The following DMXL1 variants were observed in gnomAD, a reference collection of about 807,000 sequenced individuals.
DMXL1 encodes dmX-like protein 1.
A neutral mutation model predicts 319.2 loss-of-function variants in DMXL1; 99 were observed. That is an observed-to-expected ratio of 0.31 (90% CI 0.26 to 0.37). DMXL1 has a LOEUF of 0.37. DMXL1 is among the 10% of genes least tolerant of loss of function. DMXL1 has a pLI of 1.00. For synonymous variants in DMXL1, 1,385 were observed against 1,235.2 expected (o/e 1.12, Z -2.54); for missense variants, 3,745 against 3,595.6 (o/e 1.04, Z -1.06).
At chr5:119,190,899 G>A (rs1359360044) in intron 29 of DMXL1, among the ~76,000 whole-genome samples, 1 of 152,196 alleles carries the variant, frequency 6.6e-6, no homozygotes, top group African/African-American at 2.4e-5. Context: ...TTAGAAATGT[G>A]ACAGTTTGTT....
At chr5:119,118,210 C>A (rs1369091569) in intron 7 of DMXL1, among the ~76,000 whole-genome samples, 1 of 152,160 alleles carries the variant, frequency 6.6e-6, no homozygotes, top group African/African-American at 2.4e-5. Flanking sequence ...TCAATTCTTG[C>A]ATTTCACTGC....
At chr5:119,075,832 T>C (rs534545293) in intron 1 of DMXL1, among the ~76,000 whole-genome samples, 1 of 152,262 alleles carries the variant, frequency 6.6e-6, no homozygotes, top group African/African-American at 2.4e-5. Context: ...CCCAGGCTGC[T>C]GGGATTACAG....
chr5:119,111,949 C>G (rs186031715), intron 5 of DMXL1, among the ~76,000 whole-genome samples: 2 of 151,972 alleles, frequency 1.3e-5, no homozygotes, highest in African/African-American at 2.4e-5. Flanking sequence ...TAAAGCAGTA[C>G]AGTTGATATT....
chr5:119,170,435 C>G lies in DMXL1; in HGVS notation c.5644C>G (p.Pro1882Ala). The G allele has an allele frequency of 6.2e-7, 1 of 1,613,880 alleles. No individual in the cohort carries two copies. The highest frequency in any genetic ancestry group is 8.5e-7 in the Non-Finnish European group (1 of 1,179,914). ...GGCTTTGGAAGTATTATCAAAGATG[C>G]CTAAAGTCATCAAGAAAACAAGACC... is the stretch of plus-strand genomic sequence containing the variant. ...MLALEVLSKMPKVIKKTRPFY... is the reference protein window; with the variant it reads ...MLALEVLSKMAKVIKKTRPFY... Residue 1882 changes from proline to alanine, a missense_variant, in exon 24 of 44, where the codon CCT (proline) becomes GCT (alanine). By Grantham distance (27) the Pro-to-Ala change is conservative. Around this residue, in one of 4 missense-constraint regions of DMXL1, gnomAD observed 1,382 missense variants for 1,269.5 expected, o/e 1.09. Coordinates refer to ENST00000539542, the MANE Select transcript of DMXL1 (RefSeq NM_001290321.3).
At chr5:119,105,140 T>A (rs200138401) in intron 3 of DMXL1, 40 bp from the exon 4 acceptor site, 2 of 1,282,158 alleles carry the variant, frequency 1.6e-6, no homozygotes. Flanking sequence ...AGAGAAAATA[T>A]GCCAATCATA....
intron 10 of DMXL1, 44 bp downstream of exon 10, chr5:119,129,467 T>TG: frequency 7.1e-7 from 1 of 1,408,624 alleles, no homozygotes; most frequent in Non-Finnish European, 9.7e-7. Flanking sequence ...TTGCTCAAAA[T>TG]AGCAAACATT....
intron 16 of DMXL1, 111 bp from the exon 17 acceptor site, chr5:119,147,138 T>C (rs1347491649): frequency 2.2e-5 from 25 of 1,113,620 alleles, no homozygotes; most frequent in Non-Finnish European, 3.1e-5. Flanking sequence ...CATATTAATA[T>C]GTTTACTATT....
Position 119,105,109 on chromosome 5 carries a change from G to A in DMXL1, c.286-71G>A, listed in dbSNP as rs938892936. On this transcript the variant is annotated intron_variant, in intron 3 of 43. Coordinates refer to ENST00000539542, the MANE Select transcript of DMXL1 (RefSeq NM_001290321.3). ...GCCTGTGTTATTGTAAGAATAACAA[G>A]CATAAACGTACACATTTGACAGAGA... 3 of 971,300 alleles carry A rather than the reference G, an allele frequency of 3.1e-6. No homozygotes were observed. In the African/African-American group the frequency reaches 4.8e-5, roughly 16 times the overall value. The allele number at this position is 971,300 out of a possible 1,614,324, so 60.2% of individuals were successfully genotyped here.
At chr5:119,210,453 T>A (rs930763977) in intron 34 of DMXL1, among the ~76,000 whole-genome samples, 3 of 152,228 alleles carry the variant, frequency 2.0e-5, no homozygotes, top group African/African-American at 7.2e-5. Context: ...GTTTACATGG[T>A]GTGAAGTATA....
chr5:119,228,539 A>G (rs1257396975), intron 38 of DMXL1, among the ~76,000 whole-genome samples: 9 of 152,218 alleles, frequency 5.9e-5, no homozygotes, highest in African/African-American at 2.2e-4. Flanking sequence ...ATATACCCAT[A>G]CAAATATAAT....
intron 38 of DMXL1, among the ~76,000 whole-genome samples, chr5:119,226,397 T>C (rs1785569774): frequency 6.6e-6 from 1 of 152,214 alleles, no homozygotes; most frequent in Admixed American, 6.5e-5. Flanking sequence ...TACCTCAAGA[T>C]AGCTGTTTTC....
chr5:119,134,286 C>G lies in DMXL1; in HGVS notation c.2273C>G (p.Pro758Arg). ...TTTCTAGGTGCATACTGCAACTCTCCTAGTGCATGCTTTGTAGCCAGTGAT... is the reference window on the plus strand; with the variant it reads ...TTTCTAGGTGCATACTGCAACTCTCGTAGTGCATGCTTTGTAGCCAGTGAT... ...SYCLGAYCNS[P>R]SACFVASDGQ... The change falls in exon 13 of 44, where the codon CCT (proline) becomes CGT (arginine). Residue 758 changes from proline (P) to arginine (R), a missense_variant. By Grantham distance (103) the Pro-to-Arg change is moderately radical. Transcript: ENST00000539542. 6.2e-7 allele frequency: 1 copy of G among 1,613,428 alleles called. No individual in the cohort carries two copies. Among genetic ancestry groups the G allele is most frequent in the Non-Finnish European group, 8.5e-7 (1 of 1,179,770 alleles).
chr5:119,116,950 C>A (rs992122404), intron 7 of DMXL1, among the ~76,000 whole-genome samples: 4 of 151,916 alleles, frequency 2.6e-5, no homozygotes, highest in Non-Finnish European at 4.4e-5. Flanking sequence ...TAATGTAATA[C>A]TGAATTTTAG....
At chr5:119,220,673 T>C in intron 36 of DMXL1, 80 bp downstream of exon 36, 1 of 1,517,504 alleles carries the variant, frequency 6.6e-7, no homozygotes, top group Non-Finnish European at 8.9e-7. Flanking sequence ...TTCAAAAGAT[T>C]CTTTAAAGCA....
Position 119,244,459 on chromosome 5 carries a change from C to G in DMXL1, c.8805C>G (p.Asp2935Glu). ...GAAAAGGTTTTACATATGTATTTGA[C>G]CTTTGTCAACGACAACAGAGGCAGC... ...GGRKGFTYVF[D>E]LCQRQQRQLF... Residue 2935 changes from aspartate to glutamate, a missense_variant, in exon 43 of 44, where the codon GAC becomes GAG. Coordinates refer to ENST00000539542, the MANE Select transcript of DMXL1 (RefSeq NM_001290321.3). 1.2e-6 allele frequency: 2 copies of G among 1,614,104 alleles called. No homozygotes were observed. The highest frequency in any genetic ancestry group is 1.7e-6 in the Non-Finnish European group (2 of 1,179,998).
At chr5:119,148,641 T>A (rs964630208) in intron 17 of DMXL1, 98 bp from the exon 18 acceptor site, 2 of 1,178,710 alleles carry the variant, frequency 1.7e-6, no homozygotes, top group African/African-American at 3.1e-5. Flanking sequence ...TTGTTCATAT[T>A]TATAGTAGTT....
At chr5:119,116,436 C>G in intron 7 of DMXL1, 100 bp downstream of exon 7, 1 of 1,272,776 alleles carries the variant, frequency 7.9e-7, no homozygotes, top group South Asian at 1.4e-5. Flanking sequence ...TACAGGACTT[C>G]TGAGCCTATG....
At chr5:119,091,067 C>T (rs1290220501) in intron 1 of DMXL1, among the ~76,000 whole-genome samples, 1 of 152,006 alleles carries the variant, frequency 6.6e-6, no homozygotes, top group East Asian at 1.9e-4. Flanking sequence ...TGCTTTTTGT[C>T]TTATCTTAGA....
chr5:119,190,325 A>T (rs1241824673), intron 29 of DMXL1, among the ~76,000 whole-genome samples: 2 of 152,178 alleles, frequency 1.3e-5, no homozygotes, highest in Non-Finnish European at 2.9e-5. Flanking sequence ...CCTCAACAAC[A>T]TGGTTCACAT....
Sources: gnomAD v4.1 joint callset for allele counts (sites outside exome capture counted in the v4.1 genomes callset) on GRCh38, gnomAD v4.1.1 for gene constraint, gnomAD v4.1.1 regional missense constraint, MANE v1.5 for transcripts, NCBI Gene and HGNC (gene_info 2026-07-23, HGNC 2026-07-21) for gene names.